Variants in OGDH observed in about 807,000 individuals in gnomAD.
OGDH encodes oxoglutarate dehydrogenase, also known as 2-oxoglutarate dehydrogenase complex component E1.
Under a neutral mutation model 116.6 loss-of-function variants are expected in OGDH, and 38 were observed. The ratio of observed to expected loss-of-function variants is 0.33; its 90% CI spans 0.25 to 0.43. OGDH has a LOEUF of 0.43. Among genes scored for constraint, OGDH ranks in the 20% least tolerant of loss-of-function variants. The probability of loss-of-function intolerance (pLI) is 1.00; values close to 1 mark genes in which losing one functional copy is unlikely to be tolerated. For synonymous variants in OGDH, 488 were observed against 533.3 expected (o/e 0.92, Z 1.17); for missense variants, 825 against 1,357.2 (o/e 0.61, Z 6.16).
chr7:44,633,271 A>C (rs933044541), intron 2 of OGDH, among the ~76,000 whole-genome samples: 14 of 151,234 alleles, frequency 9.3e-5, no homozygotes, highest in Admixed American at 4.6e-4. Flanking sequence ...AAAAAAAAAA[A>C]AAACCCTCAA....
chr7:44,698,274 C>T lies in OGDH; in HGVS notation c.2430+11C>T, dbSNP rs1788674245. On this transcript the variant is annotated intron_variant, in intron 18 of 22. Transcript: ENST00000222673. ...CCAGATGTCCTGCCAGTGAGTAATACAGGCCCTGTCAGCCCAGCCATTCTC... is the reference window on the plus strand; with the variant it reads ...CCAGATGTCCTGCCAGTGAGTAATATAGGCCCTGTCAGCCCAGCCATTCTC... 4 of 1,613,382 alleles carry T rather than the reference C, an allele frequency of 2.5e-6. No homozygotes were observed. The highest frequency in any genetic ancestry group is 1.3e-5 in the African/African-American group (1 of 75,016).
chr7:44,684,208 C>G (rs572187632), intron 10 of OGDH, among the ~76,000 whole-genome samples: 2 of 152,138 alleles, frequency 1.3e-5, no homozygotes, highest in Admixed American at 1.3e-4. Flanking sequence ...CATCAGCCAG[C>G]GCCTGAGGAA....
At position 44,647,716 on chromosome 7, in the gene OGDH, C is replaced by G. The variant is rs140338378; in HGVS notation, c.474C>G (p.Asp158Glu). 6.2e-7 allele frequency: 1 copy of G among 1,614,050 alleles called. No homozygotes were observed. The highest frequency in any genetic ancestry group is 1.7e-5 in the Admixed American group (1 of 60,004). ...TGGGGATTTTGGATGCTGATCTGGA[C>G]TCCTCCGTGCCCGCTGACATTATCT... ...DPLGILDADLDSSVPADIISS... is the reference protein window; with the variant it reads ...DPLGILDADLESSVPADIISS... The change falls in exon 4 of 23, where the codon GAC (aspartate) becomes GAG (glutamate). Residue 158 changes from aspartate to glutamate, a missense_variant. By Grantham distance (45) the Asp-to-Glu change is conservative. This residue lies in a region of OGDH where 171 missense variants were observed against 276.8 expected (regional missense o/e 0.62). Coordinates refer to ENST00000222673, the MANE Select transcript of OGDH (RefSeq NM_002541.4).
intron 2 of OGDH, among the ~76,000 whole-genome samples, chr7:44,628,774 A>G (rs913570438): frequency 6.6e-6 from 1 of 152,070 alleles, no homozygotes; most frequent in African/African-American, 2.4e-5. Flanking sequence ...TCTATTCTTA[A>G]AATGCTTAAC....
intron 5 of OGDH, among the ~76,000 whole-genome samples, chr7:44,670,856 AG>A (rs1787407513): frequency 2.6e-5 from 4 of 151,700 alleles, no homozygotes; most frequent in African/African-American, 2.4e-5. Flanking sequence ...TAAAAATAGA[AG>A]AAAATTAGCT....
At chr7:44,634,439 C>A (rs1585254677) in intron 2 of OGDH, among the ~76,000 whole-genome samples, 1 of 152,144 alleles carries the variant, frequency 6.6e-6, no homozygotes, top group South Asian at 2.1e-4. Context: ...GTGCAGAATC[C>A]CAGCAAATAT....
intron 2 of OGDH, among the ~76,000 whole-genome samples, chr7:44,642,614 AT>A (rs1785994436): frequency 6.6e-6 from 1 of 152,152 alleles, no homozygotes; most frequent in Admixed American, 6.5e-5. Context: ...AAAACCTCAA[AT>A]AGTTTGATTT....
chr7:44,621,350 A>G (rs1785001547), intron 1 of OGDH, among the ~76,000 whole-genome samples: 1 of 152,238 alleles, frequency 6.6e-6, no homozygotes, highest in South Asian at 2.1e-4. Context: ...CTAGGATTAT[A>G]GGCATGAGCC....
chr7:44,611,356 C>T (rs1032293287), intron 1 of OGDH, among the ~76,000 whole-genome samples: 15 of 152,102 alleles, frequency 9.9e-5, no homozygotes, highest in African/African-American at 3.4e-4. Context: ...GCAACCTCCG[C>T]CTTCCGGGTT....
intron 4 of OGDH, among the ~76,000 whole-genome samples, chr7:44,655,242 T>C (rs1336490288): frequency 2.0e-5 from 3 of 152,008 alleles, no homozygotes; most frequent in Admixed American, 1.3e-4. Flanking sequence ...TCTCATGTCT[T>C]GGTTTTGAAG....
intron 1 of OGDH, among the ~76,000 whole-genome samples, chr7:44,613,214 C>T (rs756466364): frequency 9.2e-5 from 14 of 151,672 alleles, no homozygotes; most frequent in Non-Finnish European, 1.5e-4. Flanking sequence ...CTCACTTTGT[C>T]GCCCAGGCTG....
chr7:44,671,157 T>G (rs1056266449), intron 5 of OGDH, among the ~76,000 whole-genome samples: 1 of 152,158 alleles, frequency 6.6e-6, no homozygotes, highest in Non-Finnish European at 1.5e-5. Flanking sequence ...ACAATCTAAT[T>G]GGGCATCTGC....
Position 44,658,635 on chromosome 7 carries a change from G to A in OGDH, c.518-8101G>A, listed in dbSNP as rs73329012. 1.3e-3 allele frequency among the ~76,000 whole-genome samples: 192 copies of A among 152,144 alleles called. 2 individuals are homozygous for A. The highest frequency in any genetic ancestry group is 4.2e-3 in the African/African-American group (174 of 41,512). On this transcript the variant is annotated intron_variant, in intron 4 of 22. Transcript: ENST00000222673. ...GAGAGGTAAGAGTGGATAGCCTTAT[G>A]CCCTGTTCCTGATCTAAGGGTAAAA... is the stretch of plus-strand genomic sequence containing the variant.
intron 12 of OGDH, 131 bp from the exon 13 acceptor site, chr7:44,695,894 C>T: frequency 1.6e-6 from 1 of 628,322 alleles, no homozygotes. Context: ...TATGGGTGGG[C>T]ATGCACGGGA....
chr7:44,669,051 A>G (rs1383905214), intron 5 of OGDH, among the ~76,000 whole-genome samples: 1 of 151,642 alleles, frequency 6.6e-6, no homozygotes, highest in Non-Finnish European at 1.5e-5. Flanking sequence ...ATTTTCTGTT[A>G]CAACAGCCAT....
intron 2 of OGDH, among the ~76,000 whole-genome samples, chr7:44,633,334 A>C (rs1420544489): frequency 1.3e-5 from 2 of 151,286 alleles, no homozygotes; most frequent in African/African-American, 2.4e-5. Flanking sequence ...AGTGAGTTCC[A>C]TTCTGTAGCA....
At chr7:44,684,848 G>A (rs931570744) in intron 10 of OGDH, among the ~76,000 whole-genome samples, 19 of 151,670 alleles carry the variant, frequency 1.3e-4, no homozygotes, top group African/African-American at 4.6e-4. Context: ...GGAGTGCAGT[G>A]GCGTGATCTT....
intron 1 of OGDH, among the ~76,000 whole-genome samples, chr7:44,612,118 T>C (rs907931840): frequency 1.1e-4 from 17 of 152,184 alleles, no homozygotes; most frequent in African/African-American, 3.4e-4. Flanking sequence ...GGGTTTTTGC[T>C]TATGAATATC....
chr7:44,686,116 C>T (rs963944317), intron 10 of OGDH, among the ~76,000 whole-genome samples: 2 of 150,240 alleles, frequency 1.3e-5, no homozygotes, highest in Admixed American at 1.3e-4. Flanking sequence ...TATTTTCCTT[C>T]CTTTCCAATC....
Sources: allele counts gnomAD v4.1 joint callset (sites outside exome capture counted in the v4.1 genomes callset), GRCh38; gene constraint gnomAD v4.1.1; regional missense constraint gnomAD v4.1.1; transcripts MANE v1.5; gene names NCBI Gene and HGNC (gene_info 2026-07-23, HGNC 2026-07-21).